Variants in CAPZA2 observed in about 807,000 individuals in gnomAD.
CAPZA2 encodes the protein F-actin-capping protein subunit alpha-2.
CAPZA2 carries 13 observed loss-of-function variants against 44.0 expected under a neutral mutation model. The ratio of observed to expected loss-of-function variants is 0.30; its 90% CI spans 0.19 to 0.47. The LOEUF is 0.47. Among genes scored for constraint, CAPZA2 ranks in the 20% least tolerant of loss-of-function variants. The pLI is 1.00. For missense variants in CAPZA2, 244 were observed against 338.6 expected, an observed-to-expected ratio of 0.72 and a Z score of 2.19; for synonymous variants, 94 against 108.2, an observed-to-expected ratio of 0.87 and a Z score of 0.81.
intron 1 of CAPZA2, among the ~76,000 whole-genome samples, chr7:116,865,272 G>A (rs559842908): frequency 1.5e-5 from 2 of 135,274 alleles, no homozygotes; most frequent in Admixed American, 1.7e-4. Flanking sequence ...TGCAACCTCT[G>A]CCTCCGGGGC....
intron 4 of CAPZA2, among the ~76,000 whole-genome samples, chr7:116,903,231 AGAG>A (rs1797018132): frequency 1.2e-5 from 1 of 85,556 alleles, no homozygotes; most frequent in Non-Finnish European, 2.4e-5. Flanking sequence ...GATGCAGAGA[AGAG>A]TGTGTGTGTG....
chr7:116,893,380 C>A (rs560493348), intron 3 of CAPZA2, among the ~76,000 whole-genome samples: 2 of 152,364 alleles, frequency 1.3e-5, no homozygotes, highest in African/African-American at 4.8e-5. Context: ...CCACCTGCCT[C>A]AGCCTCCCAG....
At chr7:116,896,952 C>T (rs967366756) in intron 3 of CAPZA2, among the ~76,000 whole-genome samples, 2 of 152,110 alleles carry the variant, frequency 1.3e-5, no homozygotes, top group Non-Finnish European at 2.9e-5. Flanking sequence ...TATTATCACT[C>T]CTAGATGAGT....
intron 1 of CAPZA2, chr7:116,873,494 T>C (rs563474972): frequency 1.3e-5 from 2 of 152,758 alleles, no homozygotes; most frequent in East Asian, 3.9e-4. Context: ...TGTTAAGGAA[T>C]TGTTTTCTTC....
chr7:116,880,697 T>C lies in CAPZA2; in HGVS notation c.40-7430T>C, dbSNP rs1002492958. Among the ~76,000 whole-genome samples, 7 of 27,258 alleles carry C rather than the reference T, an allele frequency of 2.6e-4. No homozygotes were observed. In the South Asian group the frequency reaches 3.8e-3, roughly 15 times the overall value. 17.9% of individuals were successfully genotyped at this position (27,258 alleles called of 152,430 possible). A position where few individuals can be genotyped will look rare whatever the true frequency, so the allele number is the denominator to read the frequency against. Reference sequence around the variant, plus strand: ...TAGGCATGAGCCACTGTAACCTGCCTTTTTTTTTTTTTTTTTTTTTTTTTT... The same window carrying C: ...TAGGCATGAGCCACTGTAACCTGCCCTTTTTTTTTTTTTTTTTTTTTTTTT... On this transcript the variant is annotated intron_variant, in intron 1 of 9. Transcript: ENST00000361183.
intron 1 of CAPZA2, 144 bp downstream of exon 1, chr7:116,862,794 GC>G: frequency 1.1e-6 from 1 of 888,844 alleles, no homozygotes; most frequent in Non-Finnish European, 1.7e-6. Flanking sequence ...TCCTTACTGC[GC>G]CCAGTGCCTG....
At chr7:116,886,194 A>G (rs1210664177) in intron 1 of CAPZA2, 1 of 154,790 alleles carries the variant, frequency 6.5e-6, no homozygotes, top group Non-Finnish European at 1.5e-5. Flanking sequence ...GCTAGTTACT[A>G]TTTTATATGC....
In CAPZA2 at chr7:116,888,121, T is replaced by A. The variant is rs1308775848; in HGVS notation, c.40-6T>A. 2 of 1,603,274 alleles carry A rather than the reference T, an allele frequency of 1.2e-6. No homozygotes were observed. The highest frequency in any genetic ancestry group is 1.7e-6 in the Non-Finnish European group (2 of 1,172,852). ...TGGAACATTTATATCTTTCTTTCTG[T>A]TTCAGGTGCGTATAGCAGCAAAATT... On this transcript the variant is annotated splice_polypyrimidine_tract_variant and splice_region_variant and intron_variant, in intron 1 of 9. Transcript: ENST00000361183.
chr7:116,917,918 A>G lies in CAPZA2; in HGVS notation c.*51A>G, dbSNP rs1370231196. The G allele has an allele frequency of 2.0e-6, 3 of 1,507,700 alleles. No individual in the cohort carries two copies. Among genetic ancestry groups the G allele is most frequent in the Non-Finnish European group, 1.8e-6 (2 of 1,085,282 alleles). 93.4% of individuals were successfully genotyped at this position (1,507,700 alleles called of 1,614,324 possible). Reference sequence around the variant, plus strand: ...TTTAGTGTCTTTGCGTTAAAAAATCATTGCAAAAGTATTCTGAACTGTCAA... The same window carrying G: ...TTTAGTGTCTTTGCGTTAAAAAATCGTTGCAAAAGTATTCTGAACTGTCAA... On this transcript the variant is annotated 3_prime_UTR_variant, in exon 10 of 10. Transcript: ENST00000361183.
chr7:116,875,387 T>C lies in CAPZA2; in HGVS notation c.39+12737T>C, dbSNP rs562422750. Reference sequence around the variant, plus strand: ...GTACTAACAAGGAGTTCTCTACAGGTTGAGGAGTAGAAACAAGTGAAAGAA... The same window carrying C: ...GTACTAACAAGGAGTTCTCTACAGGCTGAGGAGTAGAAACAAGTGAAAGAA... On this transcript the variant is annotated intron_variant, in intron 1 of 9. Coordinates refer to ENST00000361183, the MANE Select transcript of CAPZA2 (RefSeq NM_006136.3). 11 of 152,304 alleles carry C rather than the reference T, an allele frequency of 7.2e-5. No homozygotes were observed. The East Asian group carries it at 2.1e-3, about 29-fold the overall frequency. The allele number at this position is 152,304 out of a possible 1,614,324, so 9.4% of individuals were successfully genotyped here. A position where few individuals can be genotyped will look rare whatever the true frequency, so the allele number is the denominator to read the frequency against.
chr7:116,917,903 T>C lies in CAPZA2; in HGVS notation c.*36T>C. The C allele has an allele frequency of 6.3e-7, 1 of 1,580,420 alleles. No homozygotes were observed. Among genetic ancestry groups the C allele is most frequent in the Non-Finnish European group, 8.7e-7 (1 of 1,150,528 alleles). On this transcript the variant is annotated 3_prime_UTR_variant, in exon 10 of 10. Coordinates refer to ENST00000361183, the MANE Select transcript of CAPZA2 (RefSeq NM_006136.3). ...GCATGACCGGATCATTTTAGTGTCT[T>C]TGCGTTAAAAAATCATTGCAAAAGT... is the stretch of plus-strand genomic sequence containing the variant.
intron 1 of CAPZA2, 70 bp downstream of exon 1, chr7:116,862,720 C>A: frequency 6.8e-7 from 1 of 1,476,384 alleles, no homozygotes. Context: ...GGCCCGGAGT[C>A]TGGTCGCGGG....
intron 4 of CAPZA2, 21 bp from the exon 5 acceptor site, chr7:116,904,156 A>G (rs1044570741): frequency 2.0e-6 from 3 of 1,483,278 alleles, no homozygotes; most frequent in African/African-American, 1.4e-5. Flanking sequence ...TTTTTTTTCT[A>G]AATTCATTCC....
At chr7:116,914,493 C>CA (rs1791652124) in intron 8 of CAPZA2, among the ~76,000 whole-genome samples, 1 of 151,494 alleles carries the variant, frequency 6.6e-6, no homozygotes, top group African/African-American at 2.4e-5. Flanking sequence ...GACAGGGTGT[C>CA]ACTCTGTTGC....
intron 3 of CAPZA2, among the ~76,000 whole-genome samples, chr7:116,893,562 A>G (rs1053739218): frequency 3.9e-5 from 6 of 152,256 alleles, no homozygotes; most frequent in Non-Finnish European, 7.3e-5. Flanking sequence ...AGGTACAACT[A>G]TGACATGAAA....
intron 9 of CAPZA2, among the ~76,000 whole-genome samples, chr7:116,917,136 A>T (rs1421088404): frequency 6.6e-6 from 1 of 152,222 alleles, no homozygotes; most frequent in South Asian, 2.1e-4. Context: ...AATTGTTCTG[A>T]CATACTAAAA....
chr7:116,911,945 G>A, intron 7 of CAPZA2, 124 bp from the exon 8 acceptor site: 1 of 1,488,682 alleles, frequency 6.7e-7, no homozygotes, highest in Non-Finnish European at 9.0e-7. Context: ...AAGTTTTGGG[G>A]CTCAGCAGAG....
At chr7:116,916,308 T>A (rs1371179200) in intron 9 of CAPZA2, among the ~76,000 whole-genome samples, 186 bp downstream of exon 9, 2 of 152,160 alleles carry the variant, frequency 1.3e-5, no homozygotes, top group Non-Finnish European at 2.9e-5. Flanking sequence ...TAAATTGAAT[T>A]CCATTAATAG....
chr7:116,884,311 T>G (rs537125947), intron 1 of CAPZA2, among the ~76,000 whole-genome samples: 14 of 152,208 alleles, frequency 9.2e-5, no homozygotes, highest in Non-Finnish European at 1.8e-4. Flanking sequence ...TATAGATCAA[T>G]GTAATCACTA....
Sources: allele counts gnomAD v4.1 joint callset (sites outside exome capture counted in the v4.1 genomes callset), GRCh38; gene constraint gnomAD v4.1.1; transcripts MANE v1.5; gene names NCBI Gene and HGNC (gene_info 2026-07-23, HGNC 2026-07-21).